Variants in CACHD1 observed in about 807,000 individuals in gnomAD.
CACHD1 encodes the protein VWFA and cache domain-containing protein 1.
CACHD1 carries 71 observed loss-of-function variants against 138.7 expected under a neutral mutation model. The observed-to-expected ratio is 0.51, with a 90% CI of 0.42 to 0.62. The LOEUF is 0.62. Among genes scored for constraint, CACHD1 ranks in the 20% least tolerant of loss-of-function variants. The pLI is 0.00. For synonymous variants in CACHD1, 578 were observed against 591.5 expected (o/e 0.98, Z 0.33); for missense variants, 1,389 against 1,625.3 (o/e 0.85, Z 2.50).
At chr1:64,671,172 T>C (rs1431419547) in intron 16 of CACHD1, among the ~76,000 whole-genome samples, 4 of 151,088 alleles carry the variant, frequency 2.6e-5, no homozygotes, top group African/African-American at 9.8e-5. Flanking sequence ...ATGAAGTAAA[T>C]AATAAGGGTG....
chr1:64,527,573 G>T (rs1233687679), intron 1 of CACHD1, among the ~76,000 whole-genome samples: 2 of 152,116 alleles, frequency 1.3e-5, no homozygotes, highest in Non-Finnish European at 2.9e-5. Flanking sequence ...AGGCAGGCTG[G>T]TGTCTCACAA....
intron 3 of CACHD1, among the ~76,000 whole-genome samples, chr1:64,588,982 G>A (rs1647075669): frequency 6.6e-6 from 1 of 152,168 alleles, no homozygotes; most frequent in Admixed American, 6.5e-5. Context: ...GGCTTGATGA[G>A]CAAATGGATG....
Position 64,692,085 on chromosome 1 carries a change from T to C in CACHD1, c.*524T>C, listed in dbSNP as rs1485586133. The C allele has an allele frequency of 6.5e-6, 1 of 154,396 alleles. No homozygotes were observed. The highest frequency in any genetic ancestry group is 1.4e-5 in the Non-Finnish European group (1 of 69,092). The allele number at this position is 154,396 out of a possible 1,614,324, so 9.6% of individuals were successfully genotyped here. A position where few individuals can be genotyped will look rare whatever the true frequency, so the allele number is the denominator to read the frequency against. Reference sequence around the variant, plus strand: ...TCTAAACGATGCATCTCAGAATTTCTAAGTAAAGGATTATTTTTCTACTAT... The same window carrying C: ...TCTAAACGATGCATCTCAGAATTTCCAAGTAAAGGATTATTTTTCTACTAT... On this transcript the variant is annotated 3_prime_UTR_variant, in exon 27 of 27. Transcript: ENST00000651257.
chr1:64,473,068 G>A (rs1157816285), intron 1 of CACHD1, among the ~76,000 whole-genome samples: 2 of 152,266 alleles, frequency 1.3e-5, no homozygotes, highest in Non-Finnish European at 2.9e-5. Context: ...TCGGTGGGGG[G>A]TTTGTGCCCA....
At chr1:64,543,406 T>C (rs1447193094) in intron 1 of CACHD1, among the ~76,000 whole-genome samples, 2 of 142,778 alleles carry the variant, frequency 1.4e-5, no homozygotes, top group Non-Finnish European at 3.0e-5. Context: ...AAAATACATA[T>C]ATATATATAT....
At chr1:64,488,020 ATC>A (rs1646253511) in intron 1 of CACHD1, among the ~76,000 whole-genome samples, 1 of 152,132 alleles carries the variant, frequency 6.6e-6, no homozygotes, top group African/African-American at 2.4e-5. Context: ...TCTTTGACCA[ATC>A]TCTGTTTGTC....
intron 1 of CACHD1, among the ~76,000 whole-genome samples, chr1:64,506,936 G>A (rs1646381369): frequency 6.6e-6 from 1 of 152,190 alleles, no homozygotes; most frequent in South Asian, 2.1e-4. Flanking sequence ...AAAACCTTTG[G>A]TAGATAGGAG....
chr1:64,523,959 T>G (rs889178234), intron 1 of CACHD1, among the ~76,000 whole-genome samples: 2 of 152,062 alleles, frequency 1.3e-5, no homozygotes, highest in African/African-American at 4.8e-5. Context: ...GATTCTTGCA[T>G]AGAATTGTTA....
chr1:64,492,598 A>C (rs1268995821), intron 1 of CACHD1, among the ~76,000 whole-genome samples: 1 of 151,668 alleles, frequency 6.6e-6, no homozygotes, highest in Non-Finnish European at 1.5e-5. Flanking sequence ...CATATGCCAC[A>C]CGGAAACAAT....
chr1:64,493,987 G>A (rs758496781), intron 1 of CACHD1, among the ~76,000 whole-genome samples: 13 of 152,228 alleles, frequency 8.5e-5, no homozygotes, highest in Non-Finnish European at 1.6e-4. Flanking sequence ...GTCACCGAAT[G>A]GCAGAGCTGG....
intron 3 of CACHD1, among the ~76,000 whole-genome samples, chr1:64,601,456 A>G (rs1189195148): frequency 1.3e-5 from 2 of 152,216 alleles, no homozygotes; most frequent in Non-Finnish European, 2.9e-5. Context: ...TGGTGAAGCA[A>G]CTGTGTCCTT....
chr1:64,547,708 G>C (rs558248174), intron 1 of CACHD1, among the ~76,000 whole-genome samples: 8 of 152,228 alleles, frequency 5.3e-5, no homozygotes, highest in Admixed American at 5.2e-4. Context: ...TGGCTAATTG[G>C]TTAAGTCATG....
At chr1:64,664,932 G>T (rs1337735381) in intron 15 of CACHD1, among the ~76,000 whole-genome samples, 1 of 152,090 alleles carries the variant, frequency 6.6e-6, no homozygotes, top group Non-Finnish European at 1.5e-5. Flanking sequence ...TTAATTCCTA[G>T]TGGTTTGTTT....
intron 1 of CACHD1, among the ~76,000 whole-genome samples, chr1:64,507,249 C>T (rs996191314): frequency 3.9e-5 from 6 of 152,194 alleles, no homozygotes; most frequent in African/African-American, 7.2e-5. Flanking sequence ...ACCCTACTTT[C>T]GTGCCTCTGT....
At chr1:64,663,195 A>G (rs1326903480) in intron 13 of CACHD1, among the ~76,000 whole-genome samples, 1 of 151,926 alleles carries the variant, frequency 6.6e-6, no homozygotes, top group Non-Finnish European at 1.5e-5. Context: ...TTATTGGCGC[A>G]TGTCTTTACT....
At position 64,672,815 on chromosome 1, in the gene CACHD1, G is replaced by A. The variant is rs1410656955; in HGVS notation, c.2511-343G>A. On this transcript the variant is annotated intron_variant, in intron 17 of 26. Coordinates refer to ENST00000651257, the MANE Select transcript of CACHD1 (RefSeq NM_020925.4). ...AGTCTACTTCCTTTAGGATCTGCTT[G>A]CCTGGAAAAAAAGAACAAACTTCCC... Among the ~76,000 whole-genome samples, 4 of 152,058 alleles carry A rather than the reference G, an allele frequency of 2.6e-5. No homozygotes were observed. In the East Asian group the frequency reaches 7.7e-4, roughly 29 times the overall value.
chr1:64,600,205 G>C (rs975320552), intron 3 of CACHD1, among the ~76,000 whole-genome samples: 1 of 152,132 alleles, frequency 6.6e-6, no homozygotes, highest in African/African-American at 2.4e-5. Context: ...AGAAGATCCG[G>C]TGTCTTCGGT....
At chr1:64,517,356 C>A (rs1361651009) in intron 1 of CACHD1, among the ~76,000 whole-genome samples, 1 of 152,040 alleles carries the variant, frequency 6.6e-6, no homozygotes, top group Non-Finnish European at 1.5e-5. Context: ...ATCATGAATA[C>A]TGGGAAATAA....
intron 2 of CACHD1, among the ~76,000 whole-genome samples, chr1:64,577,146 A>G (rs893846984): frequency 6.6e-5 from 10 of 151,954 alleles, no homozygotes; most frequent in African/African-American, 2.2e-4. Context: ...GTGTCCCGCT[A>G]TGTTGCCCAG....
Sources: allele counts gnomAD v4.1 joint callset (sites outside exome capture counted in the v4.1 genomes callset), GRCh38; gene constraint gnomAD v4.1.1; transcripts MANE v1.5; gene names NCBI Gene and HGNC (gene_info 2026-07-23, HGNC 2026-07-21).